Variants in NDUFB4 observed in about 807,000 individuals in gnomAD.
NDUFB4 encodes the protein NADH:ubiquinone oxidoreductase subunit B4, also known as NADH dehydrogenase [ubiquinone] 1 beta subcomplex subunit 4.
NDUFB4 carries 10 observed loss-of-function variants against 14.5 expected under a neutral mutation model. That is an observed-to-expected ratio of 0.69 (90% CI 0.43 to 1.17). The LOEUF (loss-of-function observed/expected upper bound fraction) is 1.17, where lower values mean the gene tolerates loss of function less well. NDUFB4 is among the 50% of genes most tolerant of loss of function. The pLI is 0.00. For missense variants in NDUFB4, 165 were observed against 161.1 expected, an observed-to-expected ratio of 1.02 and a Z score of -0.13; for synonymous variants, 65 against 63.4, an observed-to-expected ratio of 1.03 and a Z score of -0.12.
At position 120,602,220 on chromosome 3, in the gene NDUFB4, A is replaced by G; in HGVS notation, c.340A>G (p.Lys114Glu). ...TCTGTCTTTACAGGATAGGAAAGAA[A>G]AACTTATCCAGGAAGGAAAATTGGA... ...IIKTERDRKEKLIQEGKLDRT... is the reference protein window; with the variant it reads ...IIKTERDRKEELIQEGKLDRT... Residue 114 changes from lysine to glutamate, a missense_variant, in exon 3 of 3, where the codon AAA (lysine) becomes GAA (glutamate). Physicochemically the swap from Lys to Glu is moderately conservative, Grantham distance 56 (BLOSUM62 1). Coordinates refer to ENST00000184266, the MANE Select transcript of NDUFB4 (RefSeq NM_004547.6). 6.2e-7 allele frequency: 1 copy of G among 1,611,314 alleles called. No individual in the cohort carries two copies. Among genetic ancestry groups the G allele is most frequent in the African/African-American group, 1.3e-5 (1 of 74,922 alleles).
chr3:120,598,893 G>C (rs1048164170), intron 1 of NDUFB4, among the ~76,000 whole-genome samples: 1 of 152,140 alleles, frequency 6.6e-6, no homozygotes, highest in Non-Finnish European at 1.5e-5. Context: ...AGAGAATTTC[G>C]TGATCTGGAC....
At chr3:120,601,737 G>A in intron 2 of NDUFB4, 1 of 1,022,108 alleles carries the variant, frequency 9.8e-7, no homozygotes, top group South Asian at 4.0e-5. Flanking sequence ...TAAACCCTGA[G>A]CTGCAGCCCC....
intron 1 of NDUFB4, among the ~76,000 whole-genome samples, chr3:120,600,396 G>A (rs1940038028): frequency 6.6e-6 from 1 of 151,700 alleles, no homozygotes; most frequent in Admixed American, 6.6e-5. Context: ...TGTGTTTGTG[G>A]GTAGATTTGC....
intron 2 of NDUFB4, 151 bp downstream of exon 2, chr3:120,601,408 T>G: frequency 1.3e-6 from 2 of 1,481,512 alleles, no homozygotes; most frequent in Non-Finnish European, 1.8e-6. Context: ...TTATCTTTAT[T>G]CCTTTCCAGC....
intron 1 of NDUFB4, among the ~76,000 whole-genome samples, chr3:120,600,247 T>C (rs983465479): frequency 6.6e-6 from 1 of 151,550 alleles, no homozygotes; most frequent in African/African-American, 2.4e-5. Flanking sequence ...TCATGACTTC[T>C]TGATGTTGGT....
At chr3:120,601,462 G>A (rs931047547) in intron 2 of NDUFB4, 1 of 1,405,064 alleles carries the variant, frequency 7.1e-7, no homozygotes, top group African/African-American at 1.5e-5. Flanking sequence ...GTCTATTTTT[G>A]TTAGTTCATT....
At position 120,601,430 on chromosome 3, in the gene NDUFB4, CA is replaced by C; in HGVS notation, c.327+174del. ...TATTCCTTTCCAGCAGGAGTTAAAA[CA>C]GAAAGTTTTCAGTCACCTTTGTCTA... On this transcript the variant is annotated intron_variant, in intron 2 of 2. Coordinates refer to ENST00000184266, the MANE Select transcript of NDUFB4 (RefSeq NM_004547.6). 2.1e-6 allele frequency: 3 copies of C among 1,448,048 alleles called. No individual in the cohort carries two copies. The South Asian group carries it at 4.8e-5, about 23-fold the overall frequency. The allele number at this position is 1,448,048 out of a possible 1,614,324, so 89.7% of individuals were successfully genotyped here.
At chr3:120,599,603 G>C (rs1184665648) in intron 1 of NDUFB4, among the ~76,000 whole-genome samples, 2 of 152,128 alleles carry the variant, frequency 1.3e-5, no homozygotes, top group African/African-American at 2.4e-5. Context: ...TGGACTTTTA[G>C]TGATGTCAGA....
intron 1 of NDUFB4, 31 bp downstream of exon 1, chr3:120,596,570 G>A (rs762515079): frequency 7.5e-6 from 12 of 1,607,074 alleles, no homozygotes; most frequent in Non-Finnish European, 1.0e-5. Context: ...GCGGGAATAG[G>A]GCCCGAGTCC....
chr3:120,600,818 CAGTT>C (rs1433821811), intron 1 of NDUFB4: 3 of 315,980 alleles, frequency 9.5e-6, no homozygotes, highest in African/African-American at 2.2e-5. Context: ...GCTTCTCTGA[CAGTT>C]AGATTAGGTT....
chr3:120,596,549 G>C lies in NDUFB4; in HGVS notation c.180+10G>C. On this transcript the variant is annotated intron_variant, in intron 1 of 2. Transcript: ENST00000184266. ...CCGCCGAGGGCTCATCGTGAGTGTGGGGCCTCCCAGGCGGGAATAGGGCCC... is the reference window on the plus strand; with the variant it reads ...CCGCCGAGGGCTCATCGTGAGTGTGCGGCCTCCCAGGCGGGAATAGGGCCC... 6.2e-7 allele frequency: 1 copy of C among 1,612,448 alleles called. No homozygotes were observed. The highest frequency in any genetic ancestry group is 8.5e-7 in the Non-Finnish European group (1 of 1,179,256).
chr3:120,598,344 G>A (rs1339575749), intron 1 of NDUFB4, among the ~76,000 whole-genome samples: 2 of 152,068 alleles, frequency 1.3e-5, no homozygotes, highest in African/African-American at 4.8e-5. Context: ...TTGAGCCACT[G>A]TGCCTGGCCA....
At chr3:120,596,677 C>T in intron 1 of NDUFB4, 138 bp downstream of exon 1, 3 of 957,604 alleles carry the variant, frequency 3.1e-6, no homozygotes, top group East Asian at 2.7e-5. Context: ...AACTCACTAC[C>T]CTTTTACCTT....
chr3:120,601,960 T>A, intron 2 of NDUFB4: 1 of 1,238,046 alleles, frequency 8.1e-7, no homozygotes, highest in Non-Finnish European at 1.0e-6. Context: ...GTGAGTAAGA[T>A]GTTTTTGAAT....
At chr3:120,596,696 C>A in intron 1 of NDUFB4, 157 bp downstream of exon 1, 1 of 840,910 alleles carries the variant, frequency 1.2e-6, no homozygotes, top group Non-Finnish European at 1.8e-6. Flanking sequence ...TTTGCCAGAG[C>A]TTGGCCCTCG....
intron 1 of NDUFB4, among the ~76,000 whole-genome samples, chr3:120,597,882 C>T (rs1939991577): frequency 6.6e-6 from 1 of 152,084 alleles, no homozygotes; most frequent in Non-Finnish European, 1.5e-5. Context: ...CTCAGTCAGA[C>T]CTGAAATTGA....
At chr3:120,600,974 T>C (rs1940048790) in intron 1 of NDUFB4, 137 bp from the exon 2 acceptor site, 1 of 683,862 alleles carries the variant, frequency 1.5e-6, no homozygotes, top group Non-Finnish European at 2.5e-6. Flanking sequence ...TGAAGCTGTT[T>C]AGGAATATTC....
intron 1 of NDUFB4, among the ~76,000 whole-genome samples, chr3:120,598,181 T>C (rs990615232): frequency 1.3e-5 from 2 of 151,926 alleles, no homozygotes; most frequent in Non-Finnish European, 2.9e-5. Flanking sequence ...GCCTTCCAAG[T>C]AGCTGGGACC....
chr3:120,601,880 C>T lies in NDUFB4; in HGVS notation c.328-328C>T. ...TTAACAGAAAGGTAGTCCACATTTT[C>T]CCAGAAAGTGTTTGCATTTTGCTTT... On this transcript the variant is annotated intron_variant, in intron 2 of 2. Coordinates refer to ENST00000184266, the MANE Select transcript of NDUFB4 (RefSeq NM_004547.6). 11 of 1,058,374 alleles carry T rather than the reference C, an allele frequency of 1.0e-5. 1 individual carries two copies. In the South Asian group the frequency reaches 3.6e-4, roughly 35 times the overall value. 65.6% of individuals were successfully genotyped at this position (1,058,374 alleles called of 1,614,324 possible).
Sources: gnomAD v4.1 joint callset for allele counts (sites outside exome capture counted in the v4.1 genomes callset) on GRCh38, gnomAD v4.1.1 for gene constraint, MANE v1.5 for transcripts, NCBI Gene and HGNC (gene_info 2026-07-23, HGNC 2026-07-21) for gene names.